Variants in SLIT3 observed in about 807,000 individuals in gnomAD.
SLIT3 encodes slit guidance ligand 3.
Under a neutral mutation model 184.0 loss-of-function variants are expected in SLIT3, and 68 were observed. That is an observed-to-expected ratio of 0.37 (90% CI 0.30 to 0.45). SLIT3 has a LOEUF of 0.45. Ranked by LOEUF, SLIT3 falls within the 20% of genes least tolerant of loss-of-function variation. The pLI, the probability that SLIT3 is intolerant of heterozygous loss-of-function variation, is 1.00. For synonymous variants in SLIT3, 831 were observed against 828.6 expected (o/e 1.00, Z -0.05); for missense variants, 1,707 against 2,026.0 (o/e 0.84, Z 3.02).
At chr5:169,161,651 C>CTTTTTTTTTTTT (rs527835135) in intron 4 of SLIT3, among the ~76,000 whole-genome samples, 1 of 140,702 alleles carries the variant, frequency 7.1e-6, no homozygotes, top group African/African-American at 2.7e-5. Context: ...ATAAAACAGT[C>CTTTTTTTTTTTT]TTTTTTTTTT....
At chr5:168,697,126 T>A (rs975531196) in intron 27 of SLIT3, among the ~76,000 whole-genome samples, 3 of 152,236 alleles carry the variant, frequency 2.0e-5, no homozygotes, top group African/African-American at 7.2e-5. Flanking sequence ...CTTCCTTAAC[T>A]GTTCTTCAGG....
rs949475437 is a variant in SLIT3 at position 169,185,483 on chromosome 5, T to C, written c.413+7996A>G. Reference sequence around the variant, plus strand: ...CACCAGCCTGATGGATTGGTTTTTCTGTTGTGCTATTATCATTTCACCACA... The same window carrying C: ...CACCAGCCTGATGGATTGGTTTTTCCGTTGTGCTATTATCATTTCACCACA... On this transcript the variant is annotated intron_variant, in intron 4 of 35. Coordinates refer to ENST00000519560, the MANE Select transcript of SLIT3 (RefSeq NM_003062.4). Among the ~76,000 whole-genome samples the C allele has an allele frequency of 1.1e-4, 17 of 152,358 alleles. No individual in the cohort carries two copies. In the East Asian group the frequency reaches 1.7e-3, roughly 16 times the overall value.
chr5:168,940,714 T>C (rs964622009), intron 4 of SLIT3, among the ~76,000 whole-genome samples: 1 of 152,192 alleles, frequency 6.6e-6, no homozygotes, highest in African/African-American at 2.4e-5. Context: ...AATCTGGGCT[T>C]TTCGGGACAG....
At chr5:168,903,291 A>G (rs1026882552) in intron 4 of SLIT3, among the ~76,000 whole-genome samples, 2 of 152,180 alleles carry the variant, frequency 1.3e-5, no homozygotes, top group African/African-American at 4.8e-5. Context: ...AAAGACAAGG[A>G]ATTCACAAGC....
chr5:169,021,122 A>G (rs1207879611), intron 4 of SLIT3, among the ~76,000 whole-genome samples: 2 of 152,172 alleles, frequency 1.3e-5, no homozygotes, highest in Non-Finnish European at 2.9e-5. Flanking sequence ...TAGAAGATGT[A>G]GTTCTTCTGT....
At chr5:168,667,961 C>G (rs1761108603) in intron 35 of SLIT3, among the ~76,000 whole-genome samples, 1 of 152,108 alleles carries the variant, frequency 6.6e-6, no homozygotes, top group African/African-American at 2.4e-5. Context: ...GACAGTTTTT[C>G]TGTAAGTCTG....
At chr5:168,839,040 T>C (rs1326365949) in intron 6 of SLIT3, among the ~76,000 whole-genome samples, 4 of 152,170 alleles carry the variant, frequency 2.6e-5, no homozygotes, top group Non-Finnish European at 4.4e-5. Context: ...ATAAAACCAA[T>C]TACAACTGCT....
intron 4 of SLIT3, among the ~76,000 whole-genome samples, chr5:169,027,805 G>A (rs1756884232): frequency 6.6e-6 from 1 of 152,154 alleles, no homozygotes; most frequent in African/African-American, 2.4e-5. Context: ...ATATTAAACA[G>A]TTTGACTCCA....
At chr5:169,148,114 C>T (rs534934537) in intron 4 of SLIT3, among the ~76,000 whole-genome samples, 1 of 152,344 alleles carries the variant, frequency 6.6e-6, no homozygotes, top group South Asian at 2.1e-4. Flanking sequence ...GGTCCTCCTT[C>T]CATGCAGCTC....
Position 168,842,469 on chromosome 5 carries a change from G to GTTTTTTTTTTTTTTTTTTTTT in SLIT3, c.557+2114_557+2115insAAAAAAAAAAAAAAAAAAAAA, listed in dbSNP as rs778998998. ...TGGTGCATCTGGATACCGTTTTTTC[G>GTTTTTTTTTTTTTTTTTTTTT]TTTTTTTTTTTTTTTTTTGTATCTG... On this transcript the variant is annotated intron_variant, in intron 6 of 35. Coordinates refer to ENST00000519560, the MANE Select transcript of SLIT3 (RefSeq NM_003062.4). Among the ~76,000 whole-genome samples the GTTTTTTTTTTTTTTTTTTTTT allele has an allele frequency of 7.9e-5, 7 of 88,100 alleles. 1 individual carries two copies. Among genetic ancestry groups the GTTTTTTTTTTTTTTTTTTTTT allele is most frequent in the African/African-American group, 9.6e-5 (2 of 20,834 alleles). 57.8% of individuals were successfully genotyped at this position (88,100 alleles called of 152,430 possible). A position where few individuals can be genotyped will look rare whatever the true frequency, so the allele number is the denominator to read the frequency against.
intron 31 of SLIT3, among the ~76,000 whole-genome samples, chr5:168,684,454 AAAG>A (rs1312273439): frequency 1.3e-5 from 2 of 152,294 alleles, no homozygotes; most frequent in South Asian, 2.1e-4. Flanking sequence ...TTCTCTGTAT[AAAG>A]AAGAATAATA....
chr5:169,100,259 A>G (rs1759958178), intron 4 of SLIT3, among the ~76,000 whole-genome samples: 1 of 152,202 alleles, frequency 6.6e-6, no homozygotes, highest in Non-Finnish European at 1.5e-5. Context: ...GGTAAACAGC[A>G]TGAGTCAGAC....
chr5:168,729,730 T>C (rs951219223), intron 20 of SLIT3, among the ~76,000 whole-genome samples: 1 of 151,828 alleles, frequency 6.6e-6, no homozygotes, highest in Non-Finnish European at 1.5e-5. Context: ...AAAACAATTA[T>C]ACAAAGGAAG....
intron 4 of SLIT3, among the ~76,000 whole-genome samples, chr5:169,052,399 G>C (rs2113064867): frequency 6.6e-6 from 1 of 152,304 alleles, no homozygotes; most frequent in East Asian, 1.9e-4. Context: ...GTCTCCTATA[G>C]TTAGGAGATA....
intron 4 of SLIT3, among the ~76,000 whole-genome samples, chr5:169,163,579 G>A (rs1043924441): frequency 1.3e-5 from 2 of 152,106 alleles, no homozygotes; most frequent in Non-Finnish European, 2.9e-5. Context: ...CAACCAAAAT[G>A]CAACTTATAT....
intron 20 of SLIT3, among the ~76,000 whole-genome samples, chr5:168,746,266 G>GGTGTA (rs1159122630): frequency 1.3e-3 from 1 of 794 alleles, no homozygotes; most frequent in Admixed American, 0.012. Context: ...GATGTGTGTG[G>GGTGTA]GTGTGGTGAT....
intron 5 of SLIT3, among the ~76,000 whole-genome samples, chr5:168,877,912 G>A (rs1410743565): frequency 6.6e-6 from 1 of 151,796 alleles, no homozygotes; most frequent in Non-Finnish European, 1.5e-5. Context: ...ATTAGGCTTG[G>A]CTGGATTGTG....
intron 2 of SLIT3, among the ~76,000 whole-genome samples, chr5:169,249,751 G>C (rs544405798): frequency 3.2e-4 from 48 of 152,350 alleles, no homozygotes; most frequent in Non-Finnish European, 5.4e-4. Context: ...TCTCGATTCT[G>C]ATCCACGCAC....
chr5:169,236,615 C>T (rs1450785362), intron 3 of SLIT3, among the ~76,000 whole-genome samples: 1 of 151,832 alleles, frequency 6.6e-6, no homozygotes, highest in African/African-American at 2.4e-5. Flanking sequence ...GGACTATAGG[C>T]ACATGCCACC....
Sources: gnomAD v4.1 joint callset for allele counts (sites outside exome capture counted in the v4.1 genomes callset) on GRCh38, gnomAD v4.1.1 for gene constraint, MANE v1.5 for transcripts, NCBI Gene and HGNC (gene_info 2026-07-23, HGNC 2026-07-21) for gene names.